OTUD7A: variants seen among roughly 807,000 people sequenced by gnomAD.
The protein encoded by OTUD7A is OTU domain-containing protein 7A.
A neutral mutation model predicts 65.7 loss-of-function variants in OTUD7A; 12 were observed. That is an observed-to-expected ratio of 0.18 (90% confidence interval 0.12 to 0.30). OTUD7A has a LOEUF of 0.30. OTUD7A is among the 10% of genes least tolerant of loss of function. OTUD7A has a pLI of 1.00. For missense variants in OTUD7A, 1,148 were observed against 1,304.8 expected, an observed-to-expected ratio of 0.88 and a Z score of 1.85; for synonymous variants, 641 against 586.3, an observed-to-expected ratio of 1.09 and a Z score of -1.35.
At chr15:31,740,050 C>T (rs557643009) in intron 1 of OTUD7A, among the ~76,000 whole-genome samples, 15 of 152,312 alleles carry the variant, frequency 9.8e-5, no homozygotes, top group Non-Finnish European at 1.9e-4. Context: ...ACTACTACCA[C>T]GGTGAAAAGA....
intron 1 of OTUD7A, among the ~76,000 whole-genome samples, chr15:31,827,891 C>G (rs1011044488): frequency 6.6e-6 from 1 of 151,884 alleles, no homozygotes; most frequent in African/African-American, 2.4e-5. Flanking sequence ...GCCGAGGTCA[C>G]ACCACTGCAC....
Position 31,484,605 on chromosome 15 carries a change from G to A in OTUD7A, c.1491C>T (p.Gly497=). 1.2e-6 allele frequency: 2 copies of A among 1,605,430 alleles called. No individual in the cohort carries two copies. The highest frequency in any genetic ancestry group is 8.5e-7 in the Non-Finnish European group (1 of 1,176,916). ...SVCSNSNSNN[G]KNGKDKEKEK... ...CCTTCTCCTTGTCCTTGCCGTTCTT[G>A]CCGTTATTGCTGTTAGAATTGCTGC... Residue 497 remains glycine, a synonymous_variant, in exon 13 of 13, where the codon GGC becomes GGT. Transcript: ENST00000307050. The surrounding 1 kb of genome is among the most constrained non-coding windows in gnomAD (Gnocchi z 4.5).
Position 31,483,794 on chromosome 15 carries a change from G to A in OTUD7A, c.2302C>T (p.Arg768Cys). Residue 768 changes from arginine to cysteine, a missense_variant, in exon 13 of 13, where the codon CGC (arginine) becomes TGC (cysteine). By Grantham distance (180) the Arg-to-Cys change is radical (BLOSUM62 -3). Coordinates refer to ENST00000307050, the MANE Select transcript of OTUD7A (RefSeq NM_001382637.1). ...TGGCGCGCTGGCGCCGGGGGGCTGC[G>A]GCCAGGCACTGGTCCGCTGGCGCTC... is the stretch of plus-strand genomic sequence containing the variant. ...RASASGPVPG[R>C]SPPAPARQSV... 1 of 1,034,092 alleles carries A rather than the reference G, an allele frequency of 9.7e-7. No individual in the cohort carries two copies. The highest frequency in any genetic ancestry group is 1.2e-6 in the Non-Finnish European group (1 of 863,800). 64.1% of individuals were successfully genotyped at this position (1,034,092 alleles called of 1,614,324 possible).
chr15:31,778,874 T>G (rs926247152), intron 1 of OTUD7A, among the ~76,000 whole-genome samples: 7 of 152,170 alleles, frequency 4.6e-5, no homozygotes, highest in Admixed American at 2.0e-4. Flanking sequence ...GTTTAATGAT[T>G]TAAACATGAT....
chr15:31,713,644 A>G (rs890247877), intron 1 of OTUD7A, among the ~76,000 whole-genome samples: 74 of 150,064 alleles, frequency 4.9e-4, no homozygotes, highest in Non-Finnish European at 8.6e-4. Flanking sequence ...AAAAAACCCT[A>G]ACAGATAAAG....
chr15:31,753,852 T>C (rs1302754431), intron 1 of OTUD7A, among the ~76,000 whole-genome samples: 1 of 151,392 alleles, frequency 6.6e-6, no homozygotes, highest in Non-Finnish European at 1.5e-5. Context: ...TCTTTTTTTG[T>C]ATAATGACTT....
chr15:31,658,451 C>T (rs1014669168), intron 1 of OTUD7A, among the ~76,000 whole-genome samples: 2 of 152,048 alleles, frequency 1.3e-5, no homozygotes, highest in East Asian at 1.9e-4. Flanking sequence ...TTCCCGTATC[C>T]GAGGTTGCAG....
intron 1 of OTUD7A, among the ~76,000 whole-genome samples, chr15:31,818,634 G>C (rs1319260926): frequency 6.6e-6 from 1 of 152,198 alleles, no homozygotes; most frequent in Admixed American, 6.5e-5. Flanking sequence ...ATCTCCATCA[G>C]CCACTGTGCA....
At chr15:31,670,863 C>T (rs1378414816) in intron 1 of OTUD7A, among the ~76,000 whole-genome samples, 3 of 151,988 alleles carry the variant, frequency 2.0e-5, no homozygotes, top group Non-Finnish European at 2.9e-5. Flanking sequence ...GGCGTGGTGG[C>T]GGGCGCCTGT....
intron 1 of OTUD7A, among the ~76,000 whole-genome samples, chr15:31,772,459 G>C (rs1424146692): frequency 6.6e-6 from 1 of 152,074 alleles, no homozygotes; most frequent in East Asian, 1.9e-4. Context: ...ATGAGTTGTG[G>C]GGCATACACA....
intron 1 of OTUD7A, among the ~76,000 whole-genome samples, chr15:31,675,458 G>A (rs1356705371): frequency 2.0e-5 from 3 of 151,912 alleles, no homozygotes; most frequent in East Asian, 1.9e-4. Context: ...AAAACCATAC[G>A]GTCATCTTAA....
chr15:31,593,215 G>A (rs1282972491), intron 3 of OTUD7A, among the ~76,000 whole-genome samples: 1 of 151,938 alleles, frequency 6.6e-6, no homozygotes, highest in Non-Finnish European at 1.5e-5. Flanking sequence ...GGACCACCAT[G>A]GAATATGCAG....
intron 1 of OTUD7A, among the ~76,000 whole-genome samples, chr15:31,682,847 TTGAG>T (rs1892749644): frequency 1.3e-5 from 2 of 152,204 alleles, no homozygotes; most frequent in Non-Finnish European, 2.9e-5. Context: ...CATGTTTATG[TTGAG>T]TGTGTGTGAA....
Position 31,586,688 on chromosome 15 carries a change from C to T in OTUD7A, c.152-16491G>A, listed in dbSNP as rs536758875. Among the ~76,000 whole-genome samples the T allele has an allele frequency of 1.6e-4, 24 of 152,266 alleles. No individual in the cohort carries two copies. In the South Asian group the frequency reaches 3.3e-3, roughly 21 times the overall value. On this transcript the variant is annotated intron_variant, in intron 3 of 12. Transcript: ENST00000307050. ...CTCTCCTCATTTTCCTCTCATTCCC[C>T]GACTCCCACCACTCCCCTTACACCA...
chr15:31,770,032 T>A (rs1025934874), intron 1 of OTUD7A, among the ~76,000 whole-genome samples: 1 of 152,032 alleles, frequency 6.6e-6, no homozygotes, highest in African/African-American at 2.4e-5. Flanking sequence ...AAGCTAAGCA[T>A]CCACCTTAAG....
intron 1 of OTUD7A, among the ~76,000 whole-genome samples, chr15:31,731,755 T>C (rs1222119563): frequency 1.3e-5 from 2 of 152,084 alleles, no homozygotes; most frequent in African/African-American, 2.4e-5. Context: ...ACTGGACCAC[T>C]CTGGTGGGGG....
chr15:31,850,206 T>C (rs1897386287), intron 1 of OTUD7A, among the ~76,000 whole-genome samples: 2 of 152,324 alleles, frequency 1.3e-5, no homozygotes, highest in East Asian at 1.9e-4. Context: ...GTGGCACATA[T>C]ACATCATGGA....
chr15:31,605,998 C>A (rs1424985586), intron 3 of OTUD7A, among the ~76,000 whole-genome samples: 1 of 152,180 alleles, frequency 6.6e-6, no homozygotes, highest in Non-Finnish European at 1.5e-5. Flanking sequence ...AGTCCAGTTT[C>A]CATTTTAGAA....
At chr15:31,766,540 C>A in intron 1 of OTUD7A, 1 of 1,613,154 alleles carries the variant, frequency 6.2e-7, no homozygotes, top group Non-Finnish European at 8.5e-7. Flanking sequence ...CTTTCCATAG[C>A]TGTTTGCACA....
Sources: allele counts gnomAD v4.1 joint callset (sites outside exome capture counted in the v4.1 genomes callset), GRCh38; gene constraint gnomAD v4.1.1; non-coding constraint Gnocchi (gnomAD v3.1); transcripts MANE v1.5; gene names NCBI Gene and HGNC (gene_info 2026-07-23, HGNC 2026-07-21).